GRID2: variants seen among roughly 807,000 people sequenced by gnomAD.
GRID2 encodes the protein glutamate receptor ionotropic, delta-2.
Under a neutral mutation model 114.8 loss-of-function variants are expected in GRID2, and 33 were observed. That is an observed-to-expected ratio of 0.29 (90% confidence interval 0.22 to 0.38). The LOEUF is 0.38. GRID2 is among the 10% of genes least tolerant of loss of function. The pLI, the probability that GRID2 is intolerant of heterozygous loss-of-function variation, is 1.00. For synonymous variants in GRID2, 505 were observed against 449.9 expected (o/e 1.12, Z -1.55); for missense variants, 1,184 against 1,257.7 (o/e 0.94, Z 0.89).
At chr4:93,361,577 C>A (rs1392667586) in intron 8 of GRID2, among the ~76,000 whole-genome samples, 1 of 151,632 alleles carries the variant, frequency 6.6e-6, no homozygotes, top group African/African-American at 2.4e-5. Flanking sequence ...TGTTGTCCAC[C>A]TTTTTAATAG....
chr4:92,724,365 A>G (rs1735959782), intron 2 of GRID2, among the ~76,000 whole-genome samples: 1 of 152,156 alleles, frequency 6.6e-6, no homozygotes, highest in Admixed American at 6.6e-5. Context: ...AACTCTGCAG[A>G]TCCTGAATAC....
chr4:93,613,775 G>T (rs1228167004), intron 13 of GRID2, among the ~76,000 whole-genome samples: 44 of 151,430 alleles, frequency 2.9e-4, no homozygotes, highest in African/African-American at 1.0e-3. Context: ...GTTTGTGTGT[G>T]CCCTGCCCCA....
Position 93,308,003 on chromosome 4 carries a change from T to C in GRID2, c.1245+69513T>C, listed in dbSNP as rs1560481299. On this transcript the variant is annotated intron_variant, in intron 8 of 15. Coordinates refer to ENST00000282020, the MANE Select transcript of GRID2 (RefSeq NM_001510.4). ...CATATTAGACATCAGGTCTGTGAAG[T>C]AGATATCAATTCAACATAGGGATCT... Among the ~76,000 whole-genome samples, 3 of 152,274 alleles carry C rather than the reference T, an allele frequency of 2.0e-5. No individual in the cohort carries two copies. The East Asian group carries it at 5.8e-4, about 29-fold the overall frequency.
chr4:93,017,714 G>C (rs1001813775), intron 2 of GRID2, among the ~76,000 whole-genome samples: 1 of 150,308 alleles, frequency 6.7e-6, no homozygotes, highest in Non-Finnish European at 1.5e-5. Context: ...GCTGAGGCTT[G>C]AACCCAGAAG....
intron 2 of GRID2, among the ~76,000 whole-genome samples, chr4:92,864,786 T>G (rs1289544477): frequency 6.6e-6 from 1 of 152,128 alleles, no homozygotes; most frequent in Non-Finnish European, 1.5e-5. Flanking sequence ...GTGAAGATAA[T>G]GGTAGTACCT....
At chr4:92,979,402 C>T (rs1754058149) in intron 2 of GRID2, among the ~76,000 whole-genome samples, 1 of 151,740 alleles carries the variant, frequency 6.6e-6, no homozygotes, top group African/African-American at 2.4e-5. Context: ...ATACACAGAG[C>T]AAGGACCTTA....
intron 10 of GRID2, among the ~76,000 whole-genome samples, chr4:93,433,593 A>C (rs552847520): frequency 6.6e-6 from 1 of 152,244 alleles, no homozygotes; most frequent in East Asian, 1.9e-4. Flanking sequence ...GCCATGCTCA[A>C]GCTCTTGCTC....
chr4:93,077,993 G>T (rs1416954066), intron 2 of GRID2, among the ~76,000 whole-genome samples: 1 of 152,004 alleles, frequency 6.6e-6, no homozygotes, highest in Non-Finnish European at 1.5e-5. Context: ...GCATGTAAAG[G>T]TCTCCTTCAT....
intron 1 of GRID2, among the ~76,000 whole-genome samples, chr4:92,454,504 G>C (rs747965122): frequency 6.6e-6 from 1 of 152,170 alleles, no homozygotes; most frequent in Non-Finnish European, 1.5e-5. Context: ...TGAATGCTAT[G>C]TATATACAAA....
chr4:92,599,013 A>C (rs1729076695), intron 2 of GRID2, among the ~76,000 whole-genome samples: 1 of 149,268 alleles, frequency 6.7e-6, no homozygotes, highest in Admixed American at 6.7e-5. Flanking sequence ...AAATATATAT[A>C]ATGAAATGCT....
rs1560468393 is a variant in GRID2 at position 92,578,059 on chromosome 4, CTTCTT to C, written c.89-12071_89-12067del. Among the ~76,000 whole-genome samples the C allele has an allele frequency of 7.9e-4, 40 of 50,636 alleles. 1 individual carries two copies. Among genetic ancestry groups the C allele is most frequent in the African/African-American group, 2.8e-3 (32 of 11,276 alleles). The allele number at this position is 50,636 out of a possible 152,430, so 33.2% of individuals were successfully genotyped here. A position where few individuals can be genotyped will look rare whatever the true frequency, so the allele number is the denominator to read the frequency against. On this transcript the variant is annotated intron_variant, in intron 1 of 15. Transcript: ENST00000282020. The stretch of plus-strand genomic sequence containing the variant: ...AACTTAGTTTCTTCTTCTTCTTCTT[CTTCTT>C]CTTCTTCTTCTTCTTCTTCTTCTTC...
chr4:92,959,142 T>C (rs1752625501), intron 2 of GRID2, among the ~76,000 whole-genome samples: 1 of 151,156 alleles, frequency 6.6e-6, no homozygotes. Context: ...GACTGACTTT[T>C]GATTTCACTG....
rs531321412 is a variant in GRID2, at chr4:93,693,793, G to A, written c.2360+67358G>A. 9.2e-5 allele frequency among the ~76,000 whole-genome samples: 14 copies of A among 151,998 alleles called. 1 individual carries two copies. In the South Asian group the frequency reaches 2.5e-3, roughly 27 times the overall value. ...AAACCACCACAGCACCAGTAATTTG[G>A]GACCAAAAAATCTGAAAAAATATAT... is the stretch of plus-strand genomic sequence containing the variant. On this transcript the variant is annotated intron_variant, in intron 14 of 15. Transcript: ENST00000282020.
intron 2 of GRID2, among the ~76,000 whole-genome samples, chr4:93,027,407 AG>A (rs1393320878): frequency 6.6e-6 from 1 of 152,100 alleles, no homozygotes; most frequent in Non-Finnish European, 1.5e-5. Context: ...AGAAAACAAA[AG>A]ATTAAAGCAA....
intron 2 of GRID2, among the ~76,000 whole-genome samples, chr4:93,042,969 C>T (rs1725744892): frequency 1.3e-5 from 2 of 151,484 alleles, no homozygotes; most frequent in Non-Finnish European, 2.9e-5. Context: ...CTTTAGCTGC[C>T]AATTAGGAGG....
intron 8 of GRID2, among the ~76,000 whole-genome samples, chr4:93,386,443 A>G (rs1483090200): frequency 2.0e-5 from 3 of 152,190 alleles, no homozygotes; most frequent in Admixed American, 2.0e-4. Context: ...CCATTATTAA[A>G]TAGGAGATGT....
intron 8 of GRID2, among the ~76,000 whole-genome samples, chr4:93,362,527 G>A (rs143502465): frequency 3.9e-4 from 60 of 152,024 alleles, no homozygotes; most frequent in African/African-American, 1.4e-3. Flanking sequence ...CAGTTTCATT[G>A]AGTTTTCACC....
intron 1 of GRID2, among the ~76,000 whole-genome samples, chr4:92,342,974 G>GAATATATT (rs1452366315): frequency 6.6e-6 from 1 of 152,016 alleles, no homozygotes; most frequent in African/African-American, 2.4e-5. Flanking sequence ...GGCATTCAGT[G>GAATATATT]AATATATTTG....
At chr4:93,062,838 A>C (rs748539339) in intron 2 of GRID2, among the ~76,000 whole-genome samples, 41 of 152,016 alleles carry the variant, frequency 2.7e-4, no homozygotes, top group Non-Finnish European at 2.4e-4. Context: ...ACTTACTAAA[A>C]TAGTATAAGA....
Sources: gnomAD v4.1 joint callset for allele counts (sites outside exome capture counted in the v4.1 genomes callset) on GRCh38, gnomAD v4.1.1 for gene constraint, MANE v1.5 for transcripts, NCBI Gene and HGNC (gene_info 2026-07-23, HGNC 2026-07-21) for gene names.